ROBO2: variants seen among roughly 807,000 people sequenced by gnomAD.
The protein encoded by ROBO2 is roundabout guidance receptor 2.
ROBO2 carries 53 observed loss-of-function variants against 160.8 expected under a neutral mutation model. The observed-to-expected ratio is 0.33, with a 90% CI of 0.26 to 0.41. The LOEUF (loss-of-function observed/expected upper bound fraction) is 0.41, where lower values mean the gene tolerates loss of function less well. ROBO2 is among the 10% of genes least tolerant of loss of function. ROBO2 has a pLI of 1.00. For missense variants in ROBO2, 1,577 were observed against 1,722.4 expected (o/e 0.92, Z 1.49); for synonymous variants, 664 against 611.7 (o/e 1.09, Z -1.26).
At chr3:77,169,764 T>C (rs1168197126) in intron 2 of ROBO2, among the ~76,000 whole-genome samples, 2 of 152,066 alleles carry the variant, frequency 1.3e-5, no homozygotes, top group Non-Finnish European at 2.9e-5. Flanking sequence ...ATTTTAAAGA[T>C]AAAGGTCACT....
intron 2 of ROBO2, among the ~76,000 whole-genome samples, chr3:76,863,696 T>C (rs2071063813): frequency 6.6e-6 from 1 of 152,014 alleles, no homozygotes; most frequent in South Asian, 2.1e-4. Context: ...AGTAGGTTCT[T>C]AATAAATGTT....
intron 2 of ROBO2, among the ~76,000 whole-genome samples, chr3:77,288,784 C>A (rs2153382789): frequency 6.6e-6 from 1 of 152,258 alleles, no homozygotes; most frequent in East Asian, 1.9e-4. Flanking sequence ...CCTACTCAAG[C>A]ATACGGATAC....
intron 2 of ROBO2, among the ~76,000 whole-genome samples, chr3:76,947,303 G>A (rs1270947378): frequency 6.6e-6 from 1 of 151,832 alleles, no homozygotes; most frequent in Non-Finnish European, 1.5e-5. Flanking sequence ...TACCTCTAGA[G>A]GCCAGAATGT....
At chr3:76,915,027 C>CTTTAAAATACCAATTTGTAG (rs898363675) in intron 2 of ROBO2, among the ~76,000 whole-genome samples, 1 of 152,318 alleles carries the variant, frequency 6.6e-6, no homozygotes, top group African/African-American at 2.4e-5. Flanking sequence ...CTCTACCCCT[C>CTTTAAAATACCAATTTGTAG]TTTAAAATAC....
intron 2 of ROBO2, among the ~76,000 whole-genome samples, chr3:77,141,279 T>TA (rs1210117313): frequency 6.7e-6 from 1 of 149,812 alleles, no homozygotes; most frequent in African/African-American, 2.5e-5. Context: ...GATGTACATA[T>TA]AAAGCCCCCC....
intron 2 of ROBO2, among the ~76,000 whole-genome samples, chr3:76,553,486 A>T (rs2083533750): frequency 6.6e-6 from 1 of 152,178 alleles, no homozygotes; most frequent in African/African-American, 2.4e-5. Flanking sequence ...GATATTTCTG[A>T]CTAAAGAAAC....
intron 20 of ROBO2, among the ~76,000 whole-genome samples, chr3:77,604,295 C>T (rs773982092): frequency 1.3e-5 from 2 of 152,012 alleles, no homozygotes; most frequent in Non-Finnish European, 2.9e-5. Context: ...CACAATTGTT[C>T]TGAATAATTA....
chr3:76,844,910 T>C (rs1358760390), intron 2 of ROBO2, among the ~76,000 whole-genome samples: 2 of 151,966 alleles, frequency 1.3e-5, no homozygotes, highest in Non-Finnish European at 1.5e-5. Flanking sequence ...GACTGTTGTA[T>C]AGCAAATTTT....
intron 2 of ROBO2, among the ~76,000 whole-genome samples, chr3:76,114,696 T>G (rs2070383153): frequency 6.6e-6 from 1 of 152,096 alleles, no homozygotes; most frequent in Admixed American, 6.6e-5. Flanking sequence ...CCCACATACT[T>G]TTCACTTTAT....
intron 2 of ROBO2, among the ~76,000 whole-genome samples, chr3:76,098,128 A>G (rs2069530506): frequency 6.6e-6 from 1 of 152,164 alleles, no homozygotes; most frequent in Non-Finnish European, 1.5e-5. Context: ...GTACGTGTTA[A>G]TATCATCACA....
At chr3:77,426,608 C>CTGTG (rs9309768) in intron 2 of ROBO2, among the ~76,000 whole-genome samples, 3,486 of 140,606 alleles carry the variant, frequency 0.025, 71 homozygotes, top group East Asian at 0.058. Context: ...ATGTGTGTGT[C>CTGTG]TGTGTGTGTG....
At chr3:76,483,246 CTT>C (rs1178489518) in intron 2 of ROBO2, among the ~76,000 whole-genome samples, 1 of 151,124 alleles carries the variant, frequency 6.6e-6, no homozygotes, top group African/African-American at 2.4e-5. Context: ...TAGAATAACT[CTT>C]ATTACATTTG....
chr3:76,809,921 T>TA (rs537605203), intron 2 of ROBO2, among the ~76,000 whole-genome samples: 18 of 151,082 alleles, frequency 1.2e-4, no homozygotes, highest in East Asian at 1.2e-3. Flanking sequence ...AGAGAGAAGG[T>TA]AAAAAAAACT....
At chr3:76,589,305 TTTG>T (rs1204366119) in intron 2 of ROBO2, among the ~76,000 whole-genome samples, 2 of 151,774 alleles carry the variant, frequency 1.3e-5, no homozygotes, top group African/African-American at 4.8e-5. Flanking sequence ...TGGCTTTTTG[TTTG>T]TTTGTTTTTG....
exon 9 of ROBO2, chr3:77,557,980 G>C: frequency 6.2e-7 from 1 of 1,612,970 alleles, no homozygotes; most frequent in Non-Finnish European, 8.5e-7. Context: ...ATTCTACAAG[G>C]CCCAGCCAAC....
intron 24 of ROBO2, among the ~76,000 whole-genome samples, chr3:77,643,146 C>T (rs985217711): frequency 1.3e-5 from 2 of 152,228 alleles, no homozygotes; most frequent in African/African-American, 2.4e-5. Context: ...AGCCTCTCCA[C>T]AGGGTCTTTG....
chr3:76,269,440 G>T (rs1050731724), intron 2 of ROBO2, among the ~76,000 whole-genome samples: 1 of 151,836 alleles, frequency 6.6e-6, no homozygotes, highest in Non-Finnish European at 1.5e-5. Flanking sequence ...TGAATGTTCA[G>T]ATCTAATACA....
intron 2 of ROBO2, among the ~76,000 whole-genome samples, chr3:76,957,432 C>A (rs1355831971): frequency 6.6e-6 from 1 of 152,060 alleles, no homozygotes; most frequent in African/African-American, 2.4e-5. Context: ...TAGATTGACG[C>A]TATCTTACAG....
chr3:76,558,360 GA>G (rs5850265), intron 2 of ROBO2, among the ~76,000 whole-genome samples: 146,273 of 152,048 alleles, frequency 0.96, 70,634 homozygotes, highest in East Asian at 1. Flanking sequence ...TCTTAAGTTA[GA>G]AAAAAATATA....
Sources: allele counts gnomAD v4.1 joint callset (sites outside exome capture counted in the v4.1 genomes callset), GRCh38; gene constraint gnomAD v4.1.1; transcripts MANE v1.5; gene names NCBI Gene and HGNC (gene_info 2026-07-23, HGNC 2026-07-21).